MECOM: variants seen among roughly 807,000 people sequenced by gnomAD.
MECOM encodes the protein histone-lysine N-methyltransferase MECOM.
In MECOM, 13 loss-of-function variants were observed where a neutral mutation model predicts 116.3. That is an observed-to-expected ratio of 0.11 (90% CI 0.07 to 0.18). MECOM has a LOEUF of 0.18. MECOM is among the 10% of genes least tolerant of loss of function. The probability of loss-of-function intolerance (pLI) is 1.00; values close to 1 mark genes in which losing one functional copy is unlikely to be tolerated. For synonymous variants in MECOM, 528 were observed against 535.2 expected (o/e 0.99, Z 0.19); for missense variants, 1,299 against 1,509.0 (o/e 0.86, Z 2.31).
Position 169,255,219 on chromosome 3 carries a change from C to T in MECOM, c.376-111387G>A, listed in dbSNP as rs544454293. 3.9e-4 allele frequency among the ~76,000 whole-genome samples: 59 copies of T among 152,156 alleles called. 1 individual carries two copies. Among genetic ancestry groups the T allele is most frequent in the African/African-American group, 1.3e-3 (54 of 41,530 alleles). ...GATATCCACCAAGTATCCATGACAC[C>T]GAGCCGGTACAGTACCATATTTCAC... On this transcript the variant is annotated intron_variant, in intron 2 of 16. Transcript: ENST00000651503.
intron 4 of MECOM, among the ~76,000 whole-genome samples, chr3:169,130,981 C>G: frequency 6.6e-6 from 1 of 152,102 alleles, no homozygotes; most frequent in East Asian, 1.9e-4. Context: ...AAGGCCTCTT[C>G]CCTGACACCC....
At chr3:169,256,903 A>G (rs1756938126) in intron 2 of MECOM, among the ~76,000 whole-genome samples, 1 of 152,182 alleles carries the variant, frequency 6.6e-6, no homozygotes, top group Admixed American at 6.5e-5. Flanking sequence ...GCCATCTCCT[A>G]ACTTCCGAGA....
At chr3:169,508,188 A>G (rs796336922) in intron 1 of MECOM, among the ~76,000 whole-genome samples, 11 of 134,118 alleles carry the variant, frequency 8.2e-5, no homozygotes, top group African/African-American at 3.5e-4. Flanking sequence ...ACCCCTCTGT[A>G]TACTTTCAAA....
intron 1 of MECOM, among the ~76,000 whole-genome samples, chr3:169,625,244 T>C (rs986679428): frequency 2.0e-5 from 3 of 152,032 alleles, no homozygotes; most frequent in Admixed American, 6.5e-5. Context: ...ATTTCTAGAT[T>C]CTCTAGAAAT....
At chr3:169,190,305 G>C (rs1262977822) in intron 2 of MECOM, among the ~76,000 whole-genome samples, 1 of 151,864 alleles carries the variant, frequency 6.6e-6, no homozygotes, top group Non-Finnish European at 1.5e-5. Context: ...CTTTTCCAGA[G>C]GTACTCAAAA....
chr3:169,210,825 T>C (rs1042900847), intron 2 of MECOM, among the ~76,000 whole-genome samples: 9 of 152,170 alleles, frequency 5.9e-5, no homozygotes, highest in African/African-American at 9.6e-5. Context: ...TTTTCCTCTA[T>C]TAATCAGTAT....
intron 4 of MECOM, among the ~76,000 whole-genome samples, chr3:169,129,467 G>A (rs1171647612): frequency 1.3e-5 from 2 of 151,862 alleles, no homozygotes; most frequent in African/African-American, 4.8e-5. Flanking sequence ...GTGAGACACT[G>A]CTGCAGAAAT....
chr3:169,194,151 A>G (rs1409042920), intron 2 of MECOM, among the ~76,000 whole-genome samples: 1 of 152,052 alleles, frequency 6.6e-6, no homozygotes, highest in East Asian at 1.9e-4. Flanking sequence ...TTGGGGAACA[A>G]GTGCAATTTT....
At chr3:169,216,276 G>A (rs547896885) in intron 2 of MECOM, among the ~76,000 whole-genome samples, 1 of 152,218 alleles carries the variant, frequency 6.6e-6, no homozygotes, top group African/African-American at 2.4e-5. Flanking sequence ...TCAAAATGAC[G>A]ACCATCTAAA....
At chr3:169,247,157 AC>A (rs1159307297) in intron 2 of MECOM, among the ~76,000 whole-genome samples, 1 of 152,162 alleles carries the variant, frequency 6.6e-6, no homozygotes, top group Non-Finnish European at 1.5e-5. Flanking sequence ...TTTTTGTATA[AC>A]CCTATCATGG....
chr3:169,424,912 G>GT (rs909085277), intron 1 of MECOM, among the ~76,000 whole-genome samples: 8 of 151,438 alleles, frequency 5.3e-5, no homozygotes, highest in East Asian at 1.9e-4. Context: ...TTCAGGGTTA[G>GT]TTTTTTTTTC....
chr3:169,517,257 G>A (rs1240211754), intron 1 of MECOM, among the ~76,000 whole-genome samples: 1 of 152,300 alleles, frequency 6.6e-6, no homozygotes, highest in South Asian at 2.1e-4. Context: ...GGCATGGGGA[G>A]GGAATGGAGC....
At chr3:169,473,279 C>A (rs531816312) in intron 1 of MECOM, among the ~76,000 whole-genome samples, 2 of 152,212 alleles carry the variant, frequency 1.3e-5, no homozygotes, top group African/African-American at 4.8e-5. Flanking sequence ...ATTTATCTGG[C>A]CTTCATCCTA....
chr3:169,578,472 A>G (rs139769249), intron 1 of MECOM, among the ~76,000 whole-genome samples: 219 of 152,322 alleles, frequency 1.4e-3, no homozygotes, highest in African/African-American at 5.1e-3. Flanking sequence ...AAAGCAAGAC[A>G]TATTTAAATG....
intron 3 of MECOM, among the ~76,000 whole-genome samples, chr3:169,138,301 T>C (rs1482120378): frequency 2.6e-5 from 4 of 152,174 alleles, no homozygotes; most frequent in Non-Finnish European, 4.4e-5. Flanking sequence ...TTTCAACTTA[T>C]GCAGTTTGTG....
chr3:169,554,807 T>C (rs1049735065), intron 1 of MECOM, among the ~76,000 whole-genome samples: 1 of 152,164 alleles, frequency 6.6e-6, no homozygotes, highest in South Asian at 2.1e-4. Context: ...CAGTCCTCCC[T>C]GGACCAGGAA....
intron 1 of MECOM, among the ~76,000 whole-genome samples, chr3:169,395,680 T>C (rs2108362696): frequency 6.6e-6 from 1 of 152,328 alleles, no homozygotes; most frequent in South Asian, 2.1e-4. Context: ...ATAATCCATA[T>C]TTATGTCCTT....
chr3:169,159,977 A>AT (rs1335452030), intron 2 of MECOM, among the ~76,000 whole-genome samples: 3 of 152,228 alleles, frequency 2.0e-5, no homozygotes. Flanking sequence ...AGCATGAGCT[A>AT]TTTTTAAATG....
chr3:169,357,647 A>G (rs957472820), intron 2 of MECOM, among the ~76,000 whole-genome samples: 1 of 151,798 alleles, frequency 6.6e-6, no homozygotes, highest in Admixed American at 6.6e-5. Context: ...TCAAAAAAAG[A>G]CTAATTGTGC....
Sources: gnomAD v4.1 joint callset for allele counts (sites outside exome capture counted in the v4.1 genomes callset) on GRCh38, gnomAD v4.1.1 for gene constraint, MANE v1.5 for transcripts, NCBI Gene and HGNC (gene_info 2026-07-23, HGNC 2026-07-21) for gene names.